Variants in RYR1 observed in about 807,000 individuals in gnomAD.
The protein encoded by RYR1 is central core disease of muscle.
In RYR1, 342 loss-of-function variants were observed where a neutral mutation model predicts 583.5. The observed-to-expected ratio is 0.59, with a 90% CI of 0.54 to 0.64. The LOEUF is 0.64. RYR1 is among the 30% of genes least tolerant of loss of function. RYR1 has a pLI of 0.00. For missense variants in RYR1, 6,032 were observed against 6,917.2 expected (o/e 0.87, Z 4.54); for synonymous variants, 2,791 against 2,822.5 (o/e 0.99, Z 0.35).
Position 38,458,187 on chromosome 19 carries a change from A to G in RYR1, c.2062A>G (p.Thr688Ala). The G allele has an allele frequency of 1.9e-6, 3 of 1,613,822 alleles. No homozygotes were observed. The highest frequency in any genetic ancestry group is 2.5e-6 in the Non-Finnish European group (3 of 1,180,004). The change falls in exon 18 of 106, where the codon ACC becomes GCC. Residue 688 changes from threonine (T) to alanine (A), a missense_variant. By Grantham distance (58) the Thr-to-Ala change is moderately conservative. Around this residue, in one of 11 missense-constraint regions of RYR1, gnomAD observed 2,627 missense variants for 2,961.3 expected, o/e 0.89. Transcript: ENST00000359596. ...ATHLRVGWAL[T>A]EGYTPYPGAG... ...CCACTTGCGGGTGGGCTGGGCCCTC[A>G]CCGAGGGCTACACCCCCTACCCTGG...
chr19:38,504,193 G>T (rs1301305532), intron 49 of RYR1, 27 bp from the exon 50 acceptor site: 1 of 1,598,348 alleles, frequency 6.3e-7, no homozygotes, highest in East Asian at 2.3e-5. Context: ...CCCCTCATTT[G>T]TGTGTCCCCC....
Position 38,457,562 on chromosome 19 carries a change from T to C in RYR1, c.1857T>C (p.Leu619=), listed in dbSNP as rs1453890819. 1.9e-6 allele frequency: 3 copies of C among 1,614,022 alleles called. No individual in the cohort carries two copies. The highest frequency in any genetic ancestry group is 1.3e-5 in the African/African-American group (1 of 74,902). The change falls in exon 17 of 106, where the codon CTT becomes CTC. Residue 619 remains leucine (L), a synonymous_variant. Coordinates refer to ENST00000359596, the MANE Select transcript of RYR1 (RefSeq NM_000540.3). ...NGVAVRSNQD[L]ITENLLPGRE... The stretch of plus-strand genomic sequence containing the variant: ...TGGCTGTACGCTCCAACCAAGATCT[T>C]ATTACTGAGAACTTGCTGCCTGGCC...
chr19:38,517,778 C>A (rs1971042836), intron 66 of RYR1, 87 bp downstream of exon 66: 1 of 1,343,862 alleles, frequency 7.4e-7, no homozygotes, highest in Non-Finnish European at 1.1e-6. Flanking sequence ...ACCCATGGTC[C>A]CCTCGGAGTT....
intron 33 of RYR1, among the ~76,000 whole-genome samples, chr19:38,484,551 C>T (rs1011998891): frequency 1.3e-5 from 2 of 151,946 alleles, no homozygotes; most frequent in African/African-American, 4.8e-5. Flanking sequence ...GCTGGAGACA[C>T]CAAGCCCCTG....
Position 38,499,828 on chromosome 19 carries a change from C to T in RYR1, c.7214+7C>T. On this transcript the variant is annotated splice_region_variant and intron_variant, in intron 44 of 105. Coordinates refer to ENST00000359596, the MANE Select transcript of RYR1 (RefSeq NM_000540.3). The surrounding 1 kb of genome is among the most constrained non-coding windows in gnomAD (Gnocchi z 7.3). ...GGGACCGGCGGCGCGAGCAGTGAGT[C>T]TCCCGGCCCCCTCCTCAATAGGGCA... The T allele has an allele frequency of 6.2e-7, 1 of 1,608,684 alleles. No individual in the cohort carries two copies. The highest frequency in any genetic ancestry group is 2.2e-5 in the East Asian group (1 of 44,840).
At position 38,467,570 on chromosome 19, in the gene RYR1, C is replaced by T. The variant is rs761302345; in HGVS notation, c.3179-40C>T. On this transcript the variant is annotated intron_variant, in intron 24 of 105. Transcript: ENST00000359596. ...CTTCTCGATGTCTTGGGATCCACAT[C>T]TTCCCTAGCCTCTCTGACTCTGCCT... 5 of 1,608,236 alleles carry T rather than the reference C, an allele frequency of 3.1e-6. No individual in the cohort carries two copies. In the Admixed American group the frequency reaches 5.0e-5, roughly 16 times the overall value.
At position 38,485,733 on chromosome 19, in the gene RYR1, T is replaced by G. The variant is rs765467282; in HGVS notation, c.5078T>G (p.Leu1693Arg). The G allele has an allele frequency of 6.2e-7, 1 of 1,612,772 alleles. No individual in the cohort carries two copies. The highest frequency in any genetic ancestry group is 1.7e-5 in the Admixed American group (1 of 60,020). Reference protein sequence around the residue: ...ALCSHVDQAQLLHALEDAHLP... With the variant: ...ALCSHVDQAQRLHALEDAHLP... Reference sequence around the variant, plus strand: ...TGCAGCCACGTAGACCAAGCTCAGCTGCTGCACGCCCTGGAGGACGCGCAC... The same window carrying G: ...TGCAGCCACGTAGACCAAGCTCAGCGGCTGCACGCCCTGGAGGACGCGCAC... Residue 1693 changes from leucine (L) to arginine (R), a missense_variant, in exon 34 of 106, where the codon CTG becomes CGG. By Grantham distance (102) the Leu-to-Arg change is moderately radical. Transcript: ENST00000359596.
In RYR1 at chr19:38,565,676, C is replaced by A; in HGVS notation, c.13342C>A (p.Pro4448Thr). 1 of 1,396,220 alleles carries A rather than the reference C, an allele frequency of 7.2e-7. No homozygotes were observed. Among genetic ancestry groups the A allele is most frequent in the Non-Finnish European group, 9.2e-7 (1 of 1,085,310 alleles). 86.5% of individuals were successfully genotyped at this position (1,396,220 alleles called of 1,614,324 possible). A position where few individuals can be genotyped will look rare whatever the true frequency, so the allele number is the denominator to read the frequency against. Residue 4448 changes from proline (P) to threonine (T), a missense_variant, in exon 91 of 106, where the codon CCC becomes ACC. By Grantham distance (38) the Pro-to-Thr change is conservative. Around this residue, in one of 11 missense-constraint regions of RYR1, gnomAD observed 753 missense variants for 759.6 expected, o/e 0.99. Transcript: ENST00000359596. This position sits in a 1 kb window ranked among gnomAD's most constrained non-coding sequence, Gnocchi z 4.7. ...VAVTDGGPFR[P>T]EGAGGLGDMG... ...CGTGACCGATGGGGGCCCCTTCCGG[C>A]CCGAAGGGGCTGGCGGTCTCGGGGA... is the stretch of plus-strand genomic sequence containing the variant.
At chr19:38,580,625 C>T (rs942233021) in intron 101 of RYR1, 121 bp downstream of exon 101, 27 of 1,220,396 alleles carry the variant, frequency 2.2e-5, no homozygotes, top group Admixed American at 1.6e-4. Context: ...GTCGGGAGGC[C>T]GAGGCGGGAC....
intron 2 of RYR1, 38 bp from the exon 3 acceptor site, chr19:38,442,311 T>C (rs75078312): frequency 7.4e-7 from 1 of 1,350,870 alleles, no homozygotes. Context: ...GGTGGGGGGG[T>C]CTTCTGACCC....
At position 38,442,420 on chromosome 19, in the gene RYR1, G is replaced by C. The variant is rs1568433741; in HGVS notation, c.237G>C (p.Glu79Asp). ...EQSLSVRALQ[E>D]MLANTVEAGV... ...CCCTGTCTGTGCGAGCCCTGCAGGA[G>C]ATGCTGGCTAACACGGTGGAGGCTG... The change falls in exon 3 of 106, where the codon GAG becomes GAC. Residue 79 changes from glutamate to aspartate, a missense_variant. This residue lies in a region of RYR1 where 338 missense variants were observed against 441.6 expected (regional missense o/e 0.77). Coordinates refer to ENST00000359596, the MANE Select transcript of RYR1 (RefSeq NM_000540.3). 1.2e-6 allele frequency: 2 copies of C among 1,613,546 alleles called. No homozygotes were observed. Among genetic ancestry groups the C allele is most frequent in the East Asian group, 4.5e-5 (2 of 44,850 alleles).
chr19:38,505,705 C>A, intron 53 of RYR1, 101 bp from the exon 54 acceptor site: 1 of 1,455,496 alleles, frequency 6.9e-7, no homozygotes, highest in Non-Finnish European at 9.5e-7. Flanking sequence ...CCAGACTGGA[C>A]CATTGCCTAG....
chr19:38,479,820 G>A (rs942417796), intron 31 of RYR1, among the ~76,000 whole-genome samples: 5 of 151,678 alleles, frequency 3.3e-5, no homozygotes, highest in African/African-American at 7.3e-5. Flanking sequence ...GGACTCAAGC[G>A]ATCCTCCCAC....
Position 38,458,204 on chromosome 19 carries a change from C to A in RYR1, c.2079C>A (p.Pro693=). Residue 693 remains proline (P), a synonymous_variant, in exon 18 of 106, where the codon CCC becomes CCA. Coordinates refer to ENST00000359596, the MANE Select transcript of RYR1 (RefSeq NM_000540.3). Reference sequence around the variant, plus strand: ...GGGCCCTCACCGAGGGCTACACCCCCTACCCTGGGGCCGGCGAGGGCTGGG... The same window carrying A: ...GGGCCCTCACCGAGGGCTACACCCCATACCCTGGGGCCGGCGAGGGCTGGG... The part of the protein sequence containing the change: ...VGWALTEGYT[P]YPGAGEGWGG... 1 of 1,613,980 alleles carries A rather than the reference C, an allele frequency of 6.2e-7. No homozygotes were observed. Among genetic ancestry groups the A allele is most frequent in the South Asian group, 1.1e-5 (1 of 91,088 alleles).
chr19:38,528,154 C>T (rs1231125669), intron 73 of RYR1, 152 bp from the exon 74 acceptor site: 1 of 727,514 alleles, frequency 1.4e-6, no homozygotes, highest in Non-Finnish European at 2.4e-6. Context: ...GGAGTCAGGA[C>T]CCTGACTCTG....
At chr19:38,574,340 G>A (rs1448488669) in intron 96 of RYR1, among the ~76,000 whole-genome samples, 2 of 151,310 alleles carry the variant, frequency 1.3e-5, no homozygotes, top group African/African-American at 2.4e-5. Context: ...CCTAGGGGCC[G>A]CACTCAGTGG....
In RYR1 at chr19:38,483,590, C is replaced by A; in HGVS notation, c.4934+74C>A. On this transcript the variant is annotated intron_variant, in intron 33 of 105. Coordinates refer to ENST00000359596, the MANE Select transcript of RYR1 (RefSeq NM_000540.3). The surrounding 1 kb of genome is among the most constrained non-coding windows in gnomAD (Gnocchi z 6.3). ...CTGGGGTCTGGGTCCCACTCAGTGC[C>A]CCTCCTCAACACAACCCCGGGATTC... is the stretch of plus-strand genomic sequence containing the variant. 1 of 1,311,322 alleles carries A rather than the reference C, an allele frequency of 7.6e-7. No homozygotes were observed. The highest frequency in any genetic ancestry group is 2.0e-5 in the Admixed American group (1 of 50,190). 81.2% of individuals were successfully genotyped at this position (1,311,322 alleles called of 1,614,324 possible). A position where few individuals can be genotyped will look rare whatever the true frequency, so the allele number is the denominator to read the frequency against.
intron 28 of RYR1, among the ~76,000 whole-genome samples, chr19:38,474,659 C>T (rs1968621275): frequency 6.9e-6 from 1 of 144,588 alleles, no homozygotes; most frequent in Non-Finnish European, 1.5e-5. Context: ...TCTGCAATCT[C>T]CGCCTCCTGG....
At chr19:38,516,049 G>A in intron 64 of RYR1, 38 bp from the exon 65 acceptor site, 1 of 1,539,824 alleles carries the variant, frequency 6.5e-7, no homozygotes, top group Non-Finnish European at 8.8e-7. Context: ...CCCCAAAGAG[G>A]GGGACACGTG....
Sources: allele counts gnomAD v4.1 joint callset (sites outside exome capture counted in the v4.1 genomes callset), GRCh38; gene constraint gnomAD v4.1.1; regional missense constraint gnomAD v4.1.1; non-coding constraint Gnocchi (gnomAD v3.1); transcripts MANE v1.5; gene names NCBI Gene and HGNC (gene_info 2026-07-23, HGNC 2026-07-21).